Variants in OPHN1 observed in about 807,000 individuals in gnomAD.
OPHN1 encodes the protein oligophrenin 1.
Under a neutral mutation model 60.7 loss-of-function variants are expected in OPHN1, and 11 were observed. The ratio of observed to expected loss-of-function variants is 0.18; its 90% confidence interval spans 0.11 to 0.30. The LOEUF (loss-of-function observed/expected upper bound fraction) is 0.30, where lower values mean the gene tolerates loss of function less well. OPHN1 is among the 10% of genes least tolerant of loss of function. The pLI is 1.00. For synonymous variants in OPHN1, 226 were observed against 222.6 expected (o/e 1.02, Z -0.14); for missense variants, 449 against 611.0 (o/e 0.73, Z 2.80).
intron 2 of OPHN1, among the ~76,000 whole-genome samples, chrX:68,339,348 CAAG>C (rs1378814175): frequency 3.6e-5 from 4 of 110,108 alleles, no homozygotes; most frequent in Admixed American, 9.9e-5. Context: ...CCCATGATAT[CAAG>C]AAGGAGACAA....
intron 5 of OPHN1, 122 bp downstream of exon 5, chrX:68,274,615 CT>C: frequency 2.1e-6 from 1 of 485,466 alleles, no homozygotes; most frequent in South Asian, 2.8e-5. Flanking sequence ...GTTTAGGAGG[CT>C]GACTAGGCCA....
chrX:68,348,037 C>G (rs1160292137), intron 2 of OPHN1, among the ~76,000 whole-genome samples: 1 of 111,876 alleles, frequency 8.9e-6, no homozygotes, highest in African/African-American at 3.2e-5. Context: ...TCAGTAAGAA[C>G]AAAAGGCTAG....
intron 23 of OPHN1, among the ~76,000 whole-genome samples, chrX:68,051,920 C>G (rs1374027956): frequency 9.0e-6 from 1 of 111,605 alleles, no homozygotes; most frequent in African/African-American, 3.3e-5. Context: ...GTGACATGAA[C>G]AGAGAAACAG....
At chrX:68,324,858 A>C (rs2078252740) in intron 2 of OPHN1, among the ~76,000 whole-genome samples, 1 of 104,810 alleles carries the variant, frequency 9.5e-6, no homozygotes, top group Admixed American at 1.0e-4. Flanking sequence ...CCTGGGCAAC[A>C]TAAGGAGACC....
intron 2 of OPHN1, among the ~76,000 whole-genome samples, chrX:68,406,655 A>G (rs1364984460): frequency 8.9e-6 from 1 of 111,914 alleles, no homozygotes; most frequent in Non-Finnish European, 1.9e-5. Flanking sequence ...TCTACTATGC[A>G]TATGTAATAA....
chrX:68,342,890 A>T (rs1180140745), intron 2 of OPHN1, among the ~76,000 whole-genome samples: 2 of 111,437 alleles, frequency 1.8e-5, no homozygotes, highest in Non-Finnish European at 3.8e-5. Context: ...GCAGTAAGAC[A>T]AGTTTAGGTC....
At chrX:68,336,954 G>A (rs776761713) in intron 2 of OPHN1, among the ~76,000 whole-genome samples, 1 of 110,329 alleles carries the variant, frequency 9.1e-6, no homozygotes, top group African/African-American at 3.3e-5. Flanking sequence ...CCAGCTACTC[G>A]GGAGGCTGAT....
At position 68,045,472 on chromosome X, in the gene OPHN1, T is replaced by C. The variant is rs1161470389; in HGVS notation, c.*1700A>G. 1 of 112,039 alleles carries C rather than the reference T, an allele frequency of 8.9e-6. No homozygotes were observed. The highest frequency in any genetic ancestry group is 1.9e-5 in the Non-Finnish European group (1 of 53,262). The allele number at this position is 112,039 out of a possible 1,213,427, so 9.2% of individuals were successfully genotyped here. On this transcript the variant is annotated 3_prime_UTR_variant, in exon 25 of 25. Coordinates refer to ENST00000355520, the MANE Select transcript of OPHN1 (RefSeq NM_002547.3). ...CACTCTCTATCTCTTTATCTAGGTTTATCTGTCAGTACTATAATCAGTGCA... is the reference window on the plus strand; with the variant it reads ...CACTCTCTATCTCTTTATCTAGGTTCATCTGTCAGTACTATAATCAGTGCA...
intron 15 of OPHN1, among the ~76,000 whole-genome samples, chrX:68,131,195 TTTA>T (rs2077193040): frequency 1.6e-5 from 1 of 64,103 alleles, no homozygotes; most frequent in Non-Finnish European, 3.9e-5. Context: ...AACACTTTTA[TTTA>T]TTTATTTATT....
intron 15 of OPHN1, among the ~76,000 whole-genome samples, chrX:68,163,380 C>T (rs1014410810): frequency 7.3e-5 from 8 of 109,464 alleles, no homozygotes; most frequent in Admixed American, 4.9e-4. Context: ...TCCATGTTGT[C>T]GCAAATGGCA....
rs557983752 is a variant in OPHN1 at position 68,262,728 on chromosome X, G to A, written c.384+12010C>T. ...CTTGAACCCGGGAGGCGGAGGTTGC[G>A]GTGAGCTGAGATCACGTCATTGCAC... On this transcript the variant is annotated intron_variant, in intron 5 of 24. Transcript: ENST00000355520. 1.7e-3 allele frequency among the ~76,000 whole-genome samples: 190 copies of A among 111,722 alleles called. 1 individual carries two copies. Among genetic ancestry groups the A allele is most frequent in the African/African-American group, 5.8e-3 (178 of 30,743 alleles).
At chrX:68,226,199 G>A (rs986750625) in intron 6 of OPHN1, among the ~76,000 whole-genome samples, 3 of 111,480 alleles carry the variant, frequency 2.7e-5, no homozygotes, top group Non-Finnish European at 5.6e-5. Context: ...AAAAAGAAAC[G>A]AGCAAAGCCT....
Position 68,045,941 on chromosome X carries a change from C to G in OPHN1, c.*1231G>C. ...AGATCTTGTACTGGTGTGATCACTA[C>G]CTTGCTCTGCCTCAGTTCCCCCGAC... is the stretch of plus-strand genomic sequence containing the variant. On this transcript the variant is annotated 3_prime_UTR_variant, in exon 25 of 25. Coordinates refer to ENST00000355520, the MANE Select transcript of OPHN1 (RefSeq NM_002547.3). 9.0e-6 allele frequency: 1 copy of G among 111,698 alleles called. No homozygotes were observed. Among genetic ancestry groups the G allele is most frequent in the African/African-American group, 3.2e-5 (1 of 30,773 alleles). The allele number at this position is 111,698 out of a possible 1,213,427, so 9.2% of individuals were successfully genotyped here.
At chrX:68,094,266 G>A (rs998794179) in intron 19 of OPHN1, among the ~76,000 whole-genome samples, 2 of 111,453 alleles carry the variant, frequency 1.8e-5, no homozygotes, top group Non-Finnish European at 3.8e-5. Flanking sequence ...GTTTATGTAA[G>A]AAGTAGACAA....
chrX:68,261,950 G>A (rs913304259), intron 5 of OPHN1, among the ~76,000 whole-genome samples: 23 of 111,581 alleles, frequency 2.1e-4, no homozygotes, highest in African/African-American at 7.2e-4. Flanking sequence ...GTGGTTGATG[G>A]GAGTTGAGGG....
chrX:68,220,962 T>C (rs1443739766), intron 6 of OPHN1, among the ~76,000 whole-genome samples: 6 of 94,588 alleles, frequency 6.3e-5, no homozygotes, highest in African/African-American at 1.8e-4. Context: ...AAATAAAGGG[T>C]ATTCAATTAG....
intron 16 of OPHN1, among the ~76,000 whole-genome samples, chrX:68,118,124 C>T (rs1047135435): frequency 1.8e-5 from 2 of 111,603 alleles, no homozygotes; most frequent in African/African-American, 3.3e-5. Context: ...GAAGAAGATG[C>T]CCCAGTACCA....
At position 68,298,984 on chromosome X, in the gene OPHN1, T is replaced by A. The variant is rs776513378; in HGVS notation, c.250+17A>T. Reference sequence around the variant, plus strand: ...CTGCCTCAACAGGTATATGACCACATGTAGCTGAAGACTTACCGATGTTAA... The same window carrying A: ...CTGCCTCAACAGGTATATGACCACAAGTAGCTGAAGACTTACCGATGTTAA... On this transcript the variant is annotated intron_variant, in intron 3 of 24. Coordinates refer to ENST00000355520, the MANE Select transcript of OPHN1 (RefSeq NM_002547.3). 9.3e-7 allele frequency: 1 copy of A among 1,077,885 alleles called. No homozygotes were observed. Among genetic ancestry groups the A allele is most frequent in the South Asian group, 1.9e-5 (1 of 53,956 alleles). 88.8% of individuals were successfully genotyped at this position (1,077,885 alleles called of 1,213,427 possible). A position where few individuals can be genotyped will look rare whatever the true frequency, so the allele number is the denominator to read the frequency against.
intron 19 of OPHN1, among the ~76,000 whole-genome samples, chrX:68,089,502 G>A (rs1242729684): frequency 9.0e-6 from 1 of 111,661 alleles, no homozygotes; most frequent in African/African-American, 3.3e-5. Flanking sequence ...GTGAGAAATC[G>A]AGGAGATGCT....
Sources: gnomAD v4.1 joint callset for allele counts (sites outside exome capture counted in the v4.1 genomes callset) on GRCh38, gnomAD v4.1.1 for gene constraint, MANE v1.5 for transcripts, NCBI Gene and HGNC (gene_info 2026-07-23, HGNC 2026-07-21) for gene names.